Variants in KANK1 observed in about 807,000 individuals in gnomAD.
The protein encoded by KANK1 is KN motif and ankyrin repeat domains 1.
In KANK1, 109 loss-of-function variants were observed where a neutral mutation model predicts 106.2. That is an observed-to-expected ratio of 1.03 (90% CI 0.88 to 1.20). The LOEUF (loss-of-function observed/expected upper bound fraction) is 1.20, where lower values mean the gene tolerates loss of function less well. Among genes scored for constraint, KANK1 ranks in the 50% most tolerant of loss-of-function variants. The pLI is 0.00. For synonymous variants in KANK1, 873 were observed against 652.2 expected (o/e 1.34, Z -5.16); for missense variants, 2,399 against 1,710.7 (o/e 1.40, Z -7.10).
intron 2 of KANK1, among the ~76,000 whole-genome samples, chr9:680,227 T>C (rs1817266391): frequency 6.6e-6 from 1 of 152,022 alleles, no homozygotes; most frequent in Admixed American, 6.6e-5. Context: ...ATAGTGTTAG[T>C]AATAAAACAA....
chr9:608,025 A>ATTTT (rs200257324), intron 1 of KANK1, among the ~76,000 whole-genome samples: 58 of 78,106 alleles, frequency 7.4e-4, no homozygotes, highest in Non-Finnish European at 8.6e-4. Context: ...TATTATTATT[A>ATTTT]TTATTATTAT....
chr9:692,996 T>G (rs1018062088), intron 2 of KANK1, among the ~76,000 whole-genome samples: 1 of 151,954 alleles, frequency 6.6e-6, no homozygotes, highest in African/African-American at 2.4e-5. Context: ...AGTGATACAC[T>G]ATCTCAAAAA....
intron 3 of KANK1, among the ~76,000 whole-genome samples, chr9:716,336 G>A (rs1053453349): frequency 6.6e-6 from 1 of 152,180 alleles, no homozygotes; most frequent in African/African-American, 2.4e-5. Context: ...GGCTGACGTT[G>A]TTGTTATGGT....
chr9:503,001 A>ATTTT (rs35195436), upstream of KANK1, among the ~76,000 whole-genome samples: 34 of 70,230 alleles, frequency 4.8e-4, no homozygotes, highest in Admixed American at 1.4e-3. Context: ...CGCCCAGCTG[A>ATTTT]TTTTTTTTTT....
chr9:732,840 C>G (rs901452551), intron 6 of KANK1: 1 of 412,966 alleles, frequency 2.4e-6, no homozygotes, highest in East Asian at 3.6e-5. Flanking sequence ...TTTTCTGAAA[C>G]CTTAACTCTG....
At chr9:630,191 T>A (rs1452630660) in intron 1 of KANK1, among the ~76,000 whole-genome samples, 1 of 151,790 alleles carries the variant, frequency 6.6e-6, no homozygotes, top group Non-Finnish European at 1.5e-5. Context: ...GAGGCTGCAG[T>A]GAGCTGAGGT....
At chr9:589,266 G>C (rs1389264605) in intron 1 of KANK1, among the ~76,000 whole-genome samples, 1 of 152,188 alleles carries the variant, frequency 6.6e-6, no homozygotes, top group Non-Finnish European at 1.5e-5. Context: ...GGATTAAGTG[G>C]CTTGCTCACT....
chr9:710,256 C>T (rs1825572995), intron 2 of KANK1, among the ~76,000 whole-genome samples: 1 of 152,038 alleles, frequency 6.6e-6, no homozygotes, highest in Non-Finnish European at 1.5e-5. Flanking sequence ...GTTTTTAAGC[C>T]TGTGAGTTAA....
At chr9:521,535 G>A (rs571030355) in intron 1 of KANK1, among the ~76,000 whole-genome samples, 32 of 149,826 alleles carry the variant, frequency 2.1e-4, no homozygotes, top group Non-Finnish European at 3.5e-4. Context: ...TGGGCACTTG[G>A]AATTCTCTAC....
At chr9:566,958 TATC>T (rs902687794) in intron 1 of KANK1, among the ~76,000 whole-genome samples, 63 of 152,196 alleles carry the variant, frequency 4.1e-4, no homozygotes, top group African/African-American at 1.5e-3. Flanking sequence ...TTGCTTAGGT[TATC>T]ATCCAGGTTT....
chr9:519,137 G>C (rs1251022616), intron 1 of KANK1, among the ~76,000 whole-genome samples: 1 of 151,634 alleles, frequency 6.6e-6, no homozygotes, highest in Non-Finnish European at 1.5e-5. Context: ...TGATCTGCCT[G>C]CCTCGGCCTC....
At chr9:604,017 T>C (rs1676778392) in intron 1 of KANK1, among the ~76,000 whole-genome samples, 1 of 151,538 alleles carries the variant, frequency 6.6e-6, no homozygotes, top group South Asian at 2.1e-4. Context: ...TTTCTTTGTC[T>C]TTGTTTTTTC....
intron 2 of KANK1, 104 bp downstream of exon 2, chr9:677,113 A>T: frequency 9.4e-7 from 1 of 1,060,108 alleles, no homozygotes; most frequent in Non-Finnish European, 1.4e-6. Flanking sequence ...TGCCTAGATA[A>T]CTAGGATTTC....
At chr9:513,429 T>C (rs2059121189) in intron 1 of KANK1, among the ~76,000 whole-genome samples, 1 of 151,852 alleles carries the variant, frequency 6.6e-6, no homozygotes, top group Admixed American at 6.5e-5. Context: ...TTGGGTTTTT[T>C]CTTTTTTTGG....
intron 1 of KANK1, among the ~76,000 whole-genome samples, chr9:635,694 C>CTTTTTTTTTTTTTT (rs1162836319): frequency 2.9e-4 from 30 of 103,366 alleles, no homozygotes; most frequent in African/African-American, 8.0e-4. Flanking sequence ...CCTTTTTATT[C>CTTTTTTTTTTTTTT]TTTTTTTTTT....
At chr9:561,033 C>A (rs1331251358) in intron 1 of KANK1, among the ~76,000 whole-genome samples, 1 of 152,038 alleles carries the variant, frequency 6.6e-6, no homozygotes, top group Admixed American at 6.5e-5. Context: ...TTTCTGACTT[C>A]GTTAGGCTAC....
At chr9:520,573 A>G (rs753162437) in intron 1 of KANK1, among the ~76,000 whole-genome samples, 32 of 151,776 alleles carry the variant, frequency 2.1e-4, no homozygotes, top group Non-Finnish European at 1.6e-4. Flanking sequence ...ATTGAAAACA[A>G]TATAATCTAA....
At chr9:511,315 A>G (rs544723673) in intron 1 of KANK1, among the ~76,000 whole-genome samples, 46 of 152,314 alleles carry the variant, frequency 3.0e-4, no homozygotes, top group African/African-American at 1.1e-3. Context: ...GTGAATGGCA[A>G]TTTGAGATTG....
chr9:721,233 A>C (rs987118461), intron 3 of KANK1, among the ~76,000 whole-genome samples: 16 of 152,184 alleles, frequency 1.1e-4, no homozygotes, highest in African/African-American at 3.6e-4. Context: ...GTGGTAAGTA[A>C]AGAATGTCAC....
Sources: allele counts gnomAD v4.1 joint callset (sites outside exome capture counted in the v4.1 genomes callset), GRCh38; gene constraint gnomAD v4.1.1; transcripts MANE v1.5; gene names NCBI Gene and HGNC (gene_info 2026-07-23, HGNC 2026-07-21).